Variants in LIN54 observed in about 807,000 individuals in gnomAD.
The protein encoded by LIN54 is protein lin-54 homolog.
A neutral mutation model predicts 78.7 loss-of-function variants in LIN54; 9 were observed. That is an observed-to-expected ratio of 0.11 (90% CI 0.07 to 0.20). The LOEUF is 0.20. LIN54 is among the 10% of genes least tolerant of loss of function. The pLI is 1.00. For missense variants in LIN54, 573 were observed against 889.9 expected, an observed-to-expected ratio of 0.64 and a Z score of 4.53; for synonymous variants, 269 against 318.4, an observed-to-expected ratio of 0.84 and a Z score of 1.65.
intron 2 of LIN54, among the ~76,000 whole-genome samples, chr4:82,980,785 T>C (rs1008289328): frequency 6.6e-6 from 1 of 152,156 alleles, no homozygotes; most frequent in African/African-American, 2.4e-5. Flanking sequence ...AGTATTAATA[T>C]TCTTAGAAAG....
intron 3 of LIN54, among the ~76,000 whole-genome samples, chr4:82,971,985 C>CA (rs1219689042): frequency 3.0e-5 from 4 of 134,032 alleles, no homozygotes; most frequent in African/African-American, 1.3e-4. Flanking sequence ...TCACTTTAGA[C>CA]AAAAATAAAG....
At chr4:82,994,061 T>C (rs2126098807) in intron 1 of LIN54, among the ~76,000 whole-genome samples, 1 of 152,274 alleles carries the variant, frequency 6.6e-6, no homozygotes, top group South Asian at 2.1e-4. Flanking sequence ...TTTAAAACTT[T>C]CTTCTTTTTT....
At chr4:82,937,204 C>T (rs1437842909) in intron 9 of LIN54, 23 bp downstream of exon 9, 1 of 1,110,626 alleles carries the variant, frequency 9.0e-7, no homozygotes, top group Admixed American at 1.7e-5. Flanking sequence ...ATTAAATAAG[C>T]AAACAGTTGC....
intron 4 of LIN54, among the ~76,000 whole-genome samples, chr4:82,950,257 C>A (rs559196004): frequency 4.7e-4 from 71 of 152,142 alleles, no homozygotes; most frequent in Non-Finnish European, 9.0e-4. Flanking sequence ...GTAATCAACA[C>A]CACCATGAAG....
chr4:82,946,592 G>C, intron 4 of LIN54, 118 bp from the exon 5 acceptor site: 1 of 755,624 alleles, frequency 1.3e-6, no homozygotes, highest in Non-Finnish European at 2.2e-6. Flanking sequence ...AAAAGCTGCT[G>C]AAAGGAACAA....
intron 3 of LIN54, among the ~76,000 whole-genome samples, chr4:82,973,311 T>C (rs546992653): frequency 1.8e-4 from 28 of 152,314 alleles, no homozygotes; most frequent in Non-Finnish European, 3.8e-4. Context: ...CCAAAATATT[T>C]CTAGATTTCA....
At chr4:82,969,059 C>A (rs1362380917) in intron 4 of LIN54, among the ~76,000 whole-genome samples, 1 of 152,228 alleles carries the variant, frequency 6.6e-6, no homozygotes, top group Non-Finnish European at 1.5e-5. Context: ...AGTCCAAACT[C>A]CCCTGAAGAT....
chr4:82,970,520 A>C, intron 3 of LIN54, 51 bp from the exon 4 acceptor site: 1 of 1,524,478 alleles, frequency 6.6e-7, no homozygotes, highest in Non-Finnish European at 8.9e-7. Context: ...TAATAGTATA[A>C]AAATTTATGT....
intron 5 of LIN54, among the ~76,000 whole-genome samples, chr4:82,940,179 C>A (rs1366447145): frequency 6.6e-6 from 1 of 152,152 alleles, no homozygotes; most frequent in Non-Finnish European, 1.5e-5. Context: ...TACAGTCTAT[C>A]CACTTTGTGA....
intron 1 of LIN54, among the ~76,000 whole-genome samples, chr4:82,991,281 A>C (rs972812235): frequency 6.6e-6 from 1 of 151,930 alleles, no homozygotes. Flanking sequence ...ATTTATCCTT[A>C]AGTATTTCAT....
intron 3 of LIN54, among the ~76,000 whole-genome samples, chr4:82,972,323 T>C: frequency 6.6e-6 from 1 of 152,140 alleles, no homozygotes; most frequent in Non-Finnish European, 1.5e-5. Flanking sequence ...CATCTATGAA[T>C]TTTTAAAGTA....
chr4:82,986,449 G>A lies in LIN54; in HGVS notation c.-32-1573C>T, dbSNP rs140324244. ...TTTAAATATAAAAATACACCACCCC[G>A]GCTGGGCATTCTGGCAGATCACGAG... is the stretch of plus-strand genomic sequence containing the variant. On this transcript the variant is annotated intron_variant, in intron 1 of 12. Transcript: ENST00000340417. Among the ~76,000 whole-genome samples the A allele has an allele frequency of 4.5e-4, 68 of 151,842 alleles. No individual in the cohort carries two copies. In the East Asian group the frequency reaches 0.011, roughly 24 times the overall value.
chr4:82,987,404 GA>G (rs1560777702), intron 1 of LIN54, among the ~76,000 whole-genome samples: 2 of 151,924 alleles, frequency 1.3e-5, no homozygotes, highest in Non-Finnish European at 2.9e-5. Context: ...ACTTTTCTAA[GA>G]AAAAAACAAA....
At chr4:82,989,524 G>A (rs1046502488) in intron 1 of LIN54, among the ~76,000 whole-genome samples, 5 of 152,102 alleles carry the variant, frequency 3.3e-5, no homozygotes, top group Non-Finnish European at 5.9e-5. Flanking sequence ...TACCCCCAAC[G>A]AATGATGATT....
chr4:82,991,374 T>G (rs1309439197), intron 1 of LIN54, among the ~76,000 whole-genome samples: 1 of 152,230 alleles, frequency 6.6e-6, no homozygotes, highest in East Asian at 1.9e-4. Flanking sequence ...TTTTGTATAT[T>G]GTCCATGTAT....
At chr4:83,001,338 G>A (rs1387635180) in intron 1 of LIN54, among the ~76,000 whole-genome samples, 1 of 44,542 alleles carries the variant, frequency 2.2e-5, no homozygotes, top group Non-Finnish European at 5.2e-5. Flanking sequence ...GATCACTTGA[G>A]CCCCGCAGTT....
At chr4:82,951,649 A>G (rs975919121) in intron 4 of LIN54, among the ~76,000 whole-genome samples, 9 of 152,206 alleles carry the variant, frequency 5.9e-5, no homozygotes, top group Non-Finnish European at 1.2e-4. Flanking sequence ...GGAGAATGAT[A>G]ATAATGTGGA....
chr4:82,979,087 A>G (rs1388654436), intron 2 of LIN54, 81 bp from the exon 3 acceptor site: 2 of 1,086,324 alleles, frequency 1.8e-6, no homozygotes, highest in African/African-American at 3.1e-5. Context: ...AGATTCACAC[A>G]AAGTAGCACA....
intron 3 of LIN54, among the ~76,000 whole-genome samples, chr4:82,978,668 A>G (rs771204330): frequency 2.1e-4 from 32 of 152,354 alleles, no homozygotes; most frequent in Non-Finnish European, 3.5e-4. Context: ...TGCTAGTATC[A>G]TGGTAAATTT....
Sources: gnomAD v4.1 joint callset for allele counts (sites outside exome capture counted in the v4.1 genomes callset) on GRCh38, gnomAD v4.1.1 for gene constraint, MANE v1.5 for transcripts, NCBI Gene and HGNC (gene_info 2026-07-23, HGNC 2026-07-21) for gene names.